The following PIP5K1B variants were observed in gnomAD, a reference collection of about 807,000 sequenced individuals.
PIP5K1B encodes phosphatidylinositol 4-phosphate 5-kinase type-1 beta.
PIP5K1B carries 42 observed loss-of-function variants against 67.0 expected under a neutral mutation model. The observed-to-expected ratio is 0.63, with a 90% CI of 0.49 to 0.81. The LOEUF (loss-of-function observed/expected upper bound fraction) is 0.81. Ranked by LOEUF, PIP5K1B falls within the 30% of genes least tolerant of loss-of-function variation. PIP5K1B has a pLI of 0.00. For missense variants in PIP5K1B, 459 were observed against 646.3 expected, an observed-to-expected ratio of 0.71 and a Z score of 3.14; for synonymous variants, 214 against 231.4, an observed-to-expected ratio of 0.92 and a Z score of 0.68.
chr9:68,998,892 C>T (rs964861733), intron 15 of PIP5K1B, among the ~76,000 whole-genome samples: 2 of 152,170 alleles, frequency 1.3e-5, no homozygotes, highest in Non-Finnish European at 2.9e-5. Flanking sequence ...GAGGGCCTGG[C>T]TTCCCGTGGT....
chr9:68,720,643 G>C (rs1290105873), intron 1 of PIP5K1B, among the ~76,000 whole-genome samples: 7 of 152,024 alleles, frequency 4.6e-5, no homozygotes, highest in Non-Finnish European at 1.5e-5. Context: ...ACCTGGGCTG[G>C]TGTAGAAACT....
intron 6 of PIP5K1B, among the ~76,000 whole-genome samples, chr9:68,888,042 G>C (rs182330550): frequency 3.5e-4 from 52 of 149,030 alleles, no homozygotes; most frequent in African/African-American, 1.2e-3. Flanking sequence ...GCAATGGTGT[G>C]ATCTTGACTC....
chr9:68,916,759 C>T (rs2132510430), intron 8 of PIP5K1B, among the ~76,000 whole-genome samples: 1 of 152,072 alleles, frequency 6.6e-6, no homozygotes, highest in South Asian at 2.1e-4. Context: ...GTAATACCAG[C>T]TACTTGGGAG....
intron 1 of PIP5K1B, among the ~76,000 whole-genome samples, chr9:68,706,567 A>G (rs527357394): frequency 1.2e-4 from 19 of 152,184 alleles, no homozygotes; most frequent in Non-Finnish European, 2.6e-4. Context: ...CATCGAATCT[A>G]CTGAAATCAG....
intron 14 of PIP5K1B, among the ~76,000 whole-genome samples, chr9:68,955,395 C>T (rs1330934094): frequency 6.6e-6 from 1 of 152,214 alleles, no homozygotes; most frequent in African/African-American, 2.4e-5. Flanking sequence ...CTCATCAGCC[C>T]AGGCACTGTG....
At chr9:68,876,198 T>C (rs1205186525) in intron 5 of PIP5K1B, among the ~76,000 whole-genome samples, 1 of 152,156 alleles carries the variant, frequency 6.6e-6, no homozygotes, top group East Asian at 1.9e-4. Context: ...AGAGTTCAGA[T>C]TGGGGTCCTA....
At chr9:68,935,125 A>T (rs751725668) in intron 13 of PIP5K1B, 80 bp downstream of exon 13, 4 of 1,131,792 alleles carry the variant, frequency 3.5e-6, no homozygotes, top group South Asian at 2.7e-5. Context: ...AGAAAAATTT[A>T]AAAATACCTG....
intron 1 of PIP5K1B, among the ~76,000 whole-genome samples, chr9:68,739,060 T>C (rs535262839): frequency 7.9e-4 from 121 of 152,372 alleles, no homozygotes; most frequent in Middle Eastern, 3.4e-3. Flanking sequence ...CTGGCCACCG[T>C]TGGCATTTGA....
intron 2 of PIP5K1B, among the ~76,000 whole-genome samples, chr9:68,756,907 T>C (rs747969344): frequency 6.6e-6 from 1 of 152,212 alleles, no homozygotes; most frequent in Non-Finnish European, 1.5e-5. Flanking sequence ...TTTCGACATG[T>C]AATCAACTAT....
chr9:68,951,051 G>C (rs1426846243), intron 14 of PIP5K1B, among the ~76,000 whole-genome samples: 1 of 152,222 alleles, frequency 6.6e-6, no homozygotes, highest in African/African-American at 2.4e-5. Flanking sequence ...TTAGGTAAGT[G>C]TAAGGAGGGA....
intron 4 of PIP5K1B, among the ~76,000 whole-genome samples, chr9:68,839,303 G>A (rs748397357): frequency 3.3e-5 from 5 of 152,092 alleles, no homozygotes; most frequent in Non-Finnish European, 5.9e-5. Context: ...TGATTTCTTG[G>A]TGGTGGTGGT....
intron 14 of PIP5K1B, among the ~76,000 whole-genome samples, chr9:68,967,320 C>T (rs75705819): frequency 0.017 from 2,656 of 152,214 alleles, 80 homozygotes; most frequent in African/African-American, 0.06. Context: ...GAGCTTCCTT[C>T]CTTGGGTGAG....
At chr9:68,910,273 A>G (rs547268121) in intron 8 of PIP5K1B, among the ~76,000 whole-genome samples, 10 of 152,322 alleles carry the variant, frequency 6.6e-5, no homozygotes, top group African/African-American at 2.4e-4. Context: ...TATCAGCTTG[A>G]TTTTTGCCCT....
rs148102908 is a variant in PIP5K1B, at chr9:68,900,347, A to G, written c.771+5709A>G. Reference sequence around the variant, plus strand: ...GCAGCTGCAGCACCTGGCTTATTCTATACACTCAGTACATGTTGCAAGATT... The same window carrying G: ...GCAGCTGCAGCACCTGGCTTATTCTGTACACTCAGTACATGTTGCAAGATT... On this transcript the variant is annotated intron_variant, in intron 8 of 15. Coordinates refer to ENST00000265382, the MANE Select transcript of PIP5K1B (RefSeq NM_003558.4). Among the ~76,000 whole-genome samples the G allele has an allele frequency of 3.5e-3, 530 of 152,282 alleles. 1 individual carries two copies. Among genetic ancestry groups the G allele is most frequent in the Non-Finnish European group, 6.2e-3 (424 of 68,016 alleles).
At chr9:68,746,305 C>G (rs564921463) in intron 2 of PIP5K1B, among the ~76,000 whole-genome samples, 5 of 152,254 alleles carry the variant, frequency 3.3e-5, no homozygotes, top group African/African-American at 1.2e-4. Context: ...TCTTGAACTT[C>G]TGGCCTCAAG....
chr9:68,748,846 A>G (rs1275420470), intron 2 of PIP5K1B, among the ~76,000 whole-genome samples: 1 of 151,998 alleles, frequency 6.6e-6, no homozygotes, highest in Non-Finnish European at 1.5e-5. Context: ...TCCCGACCTC[A>G]GGTGATCCGC....
At chr9:68,934,864 T>C in intron 12 of PIP5K1B, 26 bp from the exon 13 acceptor site, 1 of 1,559,704 alleles carries the variant, frequency 6.4e-7, no homozygotes, top group Non-Finnish European at 8.7e-7. Context: ...TAAATATCTG[T>C]ATTTGTCCTT....
intron 4 of PIP5K1B, among the ~76,000 whole-genome samples, chr9:68,827,959 C>A: frequency 6.6e-6 from 1 of 152,188 alleles, no homozygotes; most frequent in Non-Finnish European, 1.5e-5. Flanking sequence ...AGCCCCACCT[C>A]TCCAAAACAA....
chr9:68,878,374 A>G (rs890641543), intron 6 of PIP5K1B, among the ~76,000 whole-genome samples: 1 of 152,132 alleles, frequency 6.6e-6, no homozygotes, highest in Non-Finnish European at 1.5e-5. Context: ...TGGACCTCAC[A>G]AATTTGCTTT....
Sources: allele counts gnomAD v4.1 joint callset (sites outside exome capture counted in the v4.1 genomes callset), GRCh38; gene constraint gnomAD v4.1.1; transcripts MANE v1.5; gene names NCBI Gene and HGNC (gene_info 2026-07-23, HGNC 2026-07-21).